SH3D19: variants seen among roughly 807,000 people sequenced by gnomAD.
SH3D19 encodes SH3 domain containing 19.
A neutral mutation model predicts 112.1 loss-of-function variants in SH3D19; 58 were observed. The ratio of observed to expected loss-of-function variants is 0.52; its 90% confidence interval spans 0.42 to 0.64. The LOEUF (loss-of-function observed/expected upper bound fraction) is 0.64. SH3D19 is among the 30% of genes least tolerant of loss of function. The pLI is 0.00. For synonymous variants in SH3D19, 391 were observed against 448.5 expected, an observed-to-expected ratio of 0.87 and a Z score of 1.62; for missense variants, 1,090 against 1,263.4, an observed-to-expected ratio of 0.86 and a Z score of 2.08.
chr4:151,208,593 C>T (rs1163459854), intron 2 of SH3D19, among the ~76,000 whole-genome samples: 4 of 152,126 alleles, frequency 2.6e-5, no homozygotes, highest in African/African-American at 7.2e-5. Context: ...TGGTCTCCAA[C>T]TCCTGGCCTC....
chr4:151,194,938 G>A (rs1179723425), intron 2 of SH3D19, among the ~76,000 whole-genome samples: 2 of 151,618 alleles, frequency 1.3e-5, no homozygotes, highest in African/African-American at 2.4e-5. Context: ...AGCCAGGTGT[G>A]GTGGCACCTG....
chr4:151,216,877 CTGTGTGTGTGTGTGTGTGTG>C (rs34575245), intron 2 of SH3D19, among the ~76,000 whole-genome samples: 85 of 140,870 alleles, frequency 6.0e-4, no homozygotes, highest in East Asian at 4.6e-3. Flanking sequence ...CAAAACAACA[CTGTGTGTGTGTGTGTGTGTG>C]TGTGTGTGTG....
At position 151,147,926 on chromosome 4, in the gene SH3D19, T is replaced by C. The variant is rs946911309; in HGVS notation, c.2078A>G (p.Tyr693Cys). Reference protein sequence around the residue: ...PKPGHPLYSKYMRGDVLVMLK... With the variant: ...PKPGHPLYSKCMRGDVLVMLK... ...ATTTTTAAAAGCTAAATTTACCATGTATTTACTGTAGAGAGGGTGTCCTGG... is the reference window on the plus strand; with the variant it reads ...ATTTTTAAAAGCTAAATTTACCATGCATTTACTGTAGAGAGGGTGTCCTGG... The change falls in exon 11 of 20, where the codon TAC becomes TGC. Residue 693 changes from tyrosine to cysteine, a missense_variant. Physicochemically the swap from Tyr to Cys is radical, Grantham distance 194. Coordinates refer to ENST00000604030, the MANE Select transcript of SH3D19 (RefSeq NM_001378122.1). 6.2e-7 allele frequency: 1 copy of C among 1,600,182 alleles called. No individual in the cohort carries two copies. Among genetic ancestry groups the C allele is most frequent in the African/African-American group, 1.4e-5 (1 of 73,928 alleles).
intron 1 of SH3D19, among the ~76,000 whole-genome samples, chr4:151,312,544 C>T (rs548496340): frequency 6.6e-6 from 1 of 152,260 alleles, no homozygotes; most frequent in African/African-American, 2.4e-5. Flanking sequence ...TAACTGAGGG[C>T]CTTGTTGCTC....
intron 7 of SH3D19, among the ~76,000 whole-genome samples, chr4:151,169,946 A>G (rs1326572397): frequency 6.6e-6 from 1 of 152,238 alleles, no homozygotes; most frequent in African/African-American, 2.4e-5. Context: ...ATACTGAACC[A>G]GCTATGATAT....
intron 1 of SH3D19, among the ~76,000 whole-genome samples, chr4:151,274,019 G>A (rs1773411667): frequency 6.6e-6 from 1 of 152,250 alleles, no homozygotes. Flanking sequence ...AAATCAGTGA[G>A]TAGCAGAAAA....
intron 9 of SH3D19, among the ~76,000 whole-genome samples, chr4:151,155,093 C>T (rs1378666349): frequency 6.6e-6 from 1 of 152,100 alleles, no homozygotes; most frequent in Non-Finnish European, 1.5e-5. Context: ...TTTACAAAGT[C>T]CATTACATAT....
chr4:151,234,965 G>C (rs1769924715), intron 1 of SH3D19, among the ~76,000 whole-genome samples: 1 of 151,888 alleles, frequency 6.6e-6, no homozygotes. Flanking sequence ...GCCCAGGCTG[G>C]TCTCGAACTC....
chr4:151,317,772 G>A (rs1343424170), intron 1 of SH3D19, among the ~76,000 whole-genome samples: 3 of 151,816 alleles, frequency 2.0e-5, no homozygotes, highest in East Asian at 1.9e-4. Context: ...TCAGGAGTTC[G>A]AGACCAGCCA....
chr4:151,129,346 T>A (rs1750111381), intron 17 of SH3D19, among the ~76,000 whole-genome samples: 1 of 152,150 alleles, frequency 6.6e-6, no homozygotes, highest in Non-Finnish European at 1.5e-5. Flanking sequence ...TTCAAGAGGC[T>A]CAAGAAGGCA....
chr4:151,265,745 T>C (rs1307122790), intron 1 of SH3D19, among the ~76,000 whole-genome samples: 1 of 151,630 alleles, frequency 6.6e-6, no homozygotes, highest in Non-Finnish European at 1.5e-5. Context: ...CCCAGCTAAT[T>C]TTTATATTTT....
chr4:151,150,206 A>AAAAAAAAAAT (rs1273707426), intron 9 of SH3D19, among the ~76,000 whole-genome samples: 49 of 46,166 alleles, frequency 1.1e-3, no homozygotes, highest in Non-Finnish European at 1.6e-3. Context: ...AAAAAAAAAA[A>AAAAAAAAAAT]ATATATATAT....
intron 19 of SH3D19, 58 bp downstream of exon 19, chr4:151,127,560 G>A: frequency 9.5e-7 from 1 of 1,056,268 alleles, no homozygotes; most frequent in Non-Finnish European, 1.4e-6. Context: ...TCCTTCAATG[G>A]AAAACATTTA....
chr4:151,125,845 C>CAAAA (rs66688611), intron 19 of SH3D19, among the ~76,000 whole-genome samples: 1,431 of 94,170 alleles, frequency 0.015, 7 homozygotes, highest in Middle Eastern at 0.019. Flanking sequence ...ATCTCAAAAA[C>CAAAA]AAAAAAAAAA....
chr4:151,239,074 A>T (rs1770358024), intron 1 of SH3D19, among the ~76,000 whole-genome samples: 1 of 152,194 alleles, frequency 6.6e-6, no homozygotes, highest in Non-Finnish European at 1.5e-5. Flanking sequence ...GTGAGAAGAG[A>T]CACCTGGAGA....
At chr4:151,134,222 C>T (rs1751342309) in intron 15 of SH3D19, among the ~76,000 whole-genome samples, 1 of 152,188 alleles carries the variant, frequency 6.6e-6, no homozygotes, top group Non-Finnish European at 1.5e-5. Flanking sequence ...TTTCTAAAGT[C>T]CTCTGGGAGC....
rs183784243 is a variant in SH3D19, at chr4:151,189,647, C to T, written c.153-2184G>A. Among the ~76,000 whole-genome samples, 4 of 152,300 alleles carry T rather than the reference C, an allele frequency of 2.6e-5. 1 individual carries two copies. The East Asian group carries it at 7.7e-4, about 29-fold the overall frequency. On this transcript the variant is annotated intron_variant, in intron 2 of 19. Transcript: ENST00000604030. ...TGCACAAACACTATTCTCTTGTCTG[C>T]CGCCTTGTGAGATGTGCTTTTCACC...
chr4:151,226,408 G>C, intron 1 of SH3D19: 2 of 1,026,300 alleles, frequency 1.9e-6, no homozygotes, highest in Non-Finnish European at 2.3e-6. Flanking sequence ...AGGAAAGAAA[G>C]CAAGGAAACT....
At chr4:151,293,995 T>A (rs886425460) in intron 1 of SH3D19, among the ~76,000 whole-genome samples, 7 of 152,196 alleles carry the variant, frequency 4.6e-5, no homozygotes, top group Admixed American at 4.6e-4. Context: ...GCTATCCCCA[T>A]CTCTCCTAAC....
Sources: gnomAD v4.1 joint callset for allele counts (sites outside exome capture counted in the v4.1 genomes callset) on GRCh38, gnomAD v4.1.1 for gene constraint, MANE v1.5 for transcripts, NCBI Gene and HGNC (gene_info 2026-07-23, HGNC 2026-07-21) for gene names.